The following IL6ST variants were observed in gnomAD, a reference collection of about 807,000 sequenced individuals.
The protein encoded by IL6ST is interleukin 6 cytokine family signal transducer.
In IL6ST, 24 loss-of-function variants were observed where a neutral mutation model predicts 91.3. The observed-to-expected ratio is 0.26, with a 90% CI of 0.19 to 0.37. The LOEUF (loss-of-function observed/expected upper bound fraction) is 0.37, where lower values mean the gene tolerates loss of function less well. Ranked by LOEUF, IL6ST falls within the 10% of genes least tolerant of loss-of-function variation. The probability of loss-of-function intolerance (pLI) is 1.00; values close to 1 mark genes in which losing one functional copy is unlikely to be tolerated. For synonymous variants in IL6ST, 351 were observed against 373.6 expected, an observed-to-expected ratio of 0.94 and a Z score of 0.70; for missense variants, 914 against 1,078.5, an observed-to-expected ratio of 0.85 and a Z score of 2.14.
Position 55,952,040 on chromosome 5 carries a change from CT to C in IL6ST, c.1587del (p.Val530Ter), listed in dbSNP as rs776023104. On this transcript the variant is annotated frameshift_variant, in exon 13 of 17. Coordinates refer to ENST00000381298, the MANE Select transcript of IL6ST (RefSeq NM_002184.4). LOFTEE classifies it high-confidence loss of function. ...TCTAAGACAGCTTCGTTTTTCCCTA[CT>C]TTTTTTGTCCGAACAGTAGGTCCTT... ...PSKGPTVRTK[K>X]VGKNEAVLEW... 6.2e-7 allele frequency: 1 copy of C among 1,613,496 alleles called. No homozygotes were observed. The highest frequency in any genetic ancestry group is 2.2e-5 in the East Asian group (1 of 44,838).
rs1750663661 is a variant in IL6ST, at chr5:55,938,315, TC to T, written c.*2766del. On this transcript the variant is annotated 3_prime_UTR_variant, in exon 17 of 17. Transcript: ENST00000381298. ...GCTGCTGTTCCCGAGTGCCGACTGA[TC>T]CATAGTAAAAAAGGACAAGATTAAA... The T allele has an allele frequency of 5.2e-6, 1 of 191,470 alleles. No individual in the cohort carries two copies. Among genetic ancestry groups the T allele is most frequent in the African/African-American group, 2.3e-5 (1 of 42,980 alleles). 11.9% of individuals were successfully genotyped at this position (191,470 alleles called of 1,614,324 possible).
rs57236815 is a variant in IL6ST at position 55,976,298 on chromosome 5, AAC to A, written c.-15-7_-15-6del. 3 of 1,545,656 alleles carry A rather than the reference AAC, an allele frequency of 1.9e-6. No individual in the cohort carries two copies. The African/African-American group carries it at 4.1e-5, about 21-fold the overall frequency. ...CAACATCTTGCGCGGATATTTCTGC[AAC>A]AGACACATGTAATATTACTTTTAAT... On this transcript the variant is annotated splice_polypyrimidine_tract_variant and splice_region_variant and intron_variant, in intron 2 of 16. Coordinates refer to ENST00000381298, the MANE Select transcript of IL6ST (RefSeq NM_002184.4).
chr5:55,978,170 A>G (rs1172068320), intron 2 of IL6ST: 2 of 152,214 alleles, frequency 1.3e-5, no homozygotes, highest in African/African-American at 4.8e-5. Context: ...TGTATTACTC[A>G]TAACAGTAGT....
At position 55,974,936 on chromosome 5, in the gene IL6ST, TACACACACACACACACACATACAC is replaced by T. The variant is rs1212770985; in HGVS notation, c.64+1255_64+1278del. ...GGGACAGCTGGGATAGTATTATTCATACACACACACACACACACATACACACACACACACACACACACACACGTA... is the reference window on the plus strand; with the variant it reads ...GGGACAGCTGGGATAGTATTATTCATACACACACACACACACACACACGTA... On this transcript the variant is annotated intron_variant, in intron 3 of 16. Coordinates refer to ENST00000381298, the MANE Select transcript of IL6ST (RefSeq NM_002184.4). Among the ~76,000 whole-genome samples the T allele has an allele frequency of 8.8e-5, 13 of 147,248 alleles. No individual in the cohort carries two copies. In the East Asian group the frequency reaches 1.2e-3, roughly 13 times the overall value.
At chr5:55,982,430 C>T (rs1753723510) in intron 2 of IL6ST, among the ~76,000 whole-genome samples, 1 of 152,094 alleles carries the variant, frequency 6.6e-6, no homozygotes, top group Admixed American at 6.5e-5. Flanking sequence ...ATATCTTTCA[C>T]AGTACAGTGT....
intron 4 of IL6ST, 125 bp from the exon 5 acceptor site, chr5:55,968,521 T>C: frequency 1.3e-6 from 1 of 793,448 alleles, no homozygotes; most frequent in Admixed American, 2.8e-5. Context: ...GCAAAAAGTA[T>C]GGACACAATG....
chr5:55,970,463 G>T (rs531211591), intron 3 of IL6ST, among the ~76,000 whole-genome samples: 1 of 152,126 alleles, frequency 6.6e-6, no homozygotes, highest in African/African-American at 2.4e-5. Context: ...GAGGCAAGAG[G>T]ATCGCTCGAG....
At position 55,939,629 on chromosome 5, in the gene IL6ST, A is replaced by G. The variant is rs1231930111; in HGVS notation, c.*1453T>C. 3.4e-5 allele frequency: 7 copies of G among 204,178 alleles called. No homozygotes were observed. In the Admixed American group the frequency reaches 3.6e-4, roughly 10 times the overall value. 12.6% of individuals were successfully genotyped at this position (204,178 alleles called of 1,614,324 possible). On this transcript the variant is annotated 3_prime_UTR_variant, in exon 17 of 17. Transcript: ENST00000381298. ...TGAATTCACTTGATAGCAGTAGTCA[A>G]TCACTAATAACGCTTGCTAATTTCC...
chr5:55,987,320 C>G (rs1166624331), intron 1 of IL6ST, among the ~76,000 whole-genome samples: 1 of 152,032 alleles, frequency 6.6e-6, no homozygotes, highest in East Asian at 1.9e-4. Context: ...AAAACAAAAC[C>G]AAAGTGTGAA....
chr5:55,970,407 T>A (rs1752893972), intron 3 of IL6ST, among the ~76,000 whole-genome samples: 1 of 152,114 alleles, frequency 6.6e-6, no homozygotes, highest in African/African-American at 2.4e-5. Context: ...TGCATGGCCC[T>A]GGGTATGATG....
At position 55,936,029 on chromosome 5, in the gene IL6ST, T is replaced by A; in HGVS notation, c.*5053A>T. On this transcript the variant is annotated 3_prime_UTR_variant, in exon 17 of 17. Coordinates refer to ENST00000381298, the MANE Select transcript of IL6ST (RefSeq NM_002184.4). ...GACATGTTATTTCTATAAACTCTGG[T>A]ATATATGTGAAGGAGTTACTGTTGG... The A allele has an allele frequency of 4.4e-6, 1 of 226,758 alleles. No homozygotes were observed. 14.0% of individuals were successfully genotyped at this position (226,758 alleles called of 1,614,324 possible).
At chr5:55,981,565 C>A (rs760202251) in intron 2 of IL6ST, among the ~76,000 whole-genome samples, 3 of 152,076 alleles carry the variant, frequency 2.0e-5, no homozygotes, top group Non-Finnish European at 4.4e-5. Context: ...ATCACTTGAA[C>A]CTGGGAGGCG....
chr5:55,952,276 G>C lies in IL6ST; in HGVS notation c.1526C>G (p.Ser509Cys). The C allele has an allele frequency of 6.2e-7, 1 of 1,610,258 alleles. No individual in the cohort carries two copies. Among genetic ancestry groups the C allele is most frequent in the South Asian group, 1.1e-5 (1 of 90,590 alleles). ...VYADGPGSPE[S>C]IKAYLKQAPP... ...AGCTTGTTTAAGGTATGCCTTTATGGATTCAGGGCTTCCTGGTCCATCAGC... is the reference window on the plus strand; with the variant it reads ...AGCTTGTTTAAGGTATGCCTTTATGCATTCAGGGCTTCCTGGTCCATCAGC... Residue 509 changes from serine (S) to cysteine (C), a missense_variant, in exon 12 of 17, where the codon TCC becomes TGC. Transcript: ENST00000381298.
At position 55,940,991 on chromosome 5, in the gene IL6ST, G is replaced by A. The variant is rs1750867875; in HGVS notation, c.*91C>T. The A allele has an allele frequency of 3.1e-6, 4 of 1,300,270 alleles. No individual in the cohort carries two copies. Among genetic ancestry groups the A allele is most frequent in the African/African-American group, 1.5e-5 (1 of 67,570 alleles). 80.5% of individuals were successfully genotyped at this position (1,300,270 alleles called of 1,614,324 possible). A position where few individuals can be genotyped will look rare whatever the true frequency, so the allele number is the denominator to read the frequency against. On this transcript the variant is annotated 3_prime_UTR_variant, in exon 17 of 17. Coordinates refer to ENST00000381298, the MANE Select transcript of IL6ST (RefSeq NM_002184.4). ...GGGCAAATGATCATCTTCAGAGAGT[G>A]AAGACTTTTTAAAATCTGAATTCAC...
intron 15 of IL6ST, among the ~76,000 whole-genome samples, chr5:55,944,477 A>G (rs113709469): frequency 1.6e-4 from 25 of 152,356 alleles, no homozygotes; most frequent in African/African-American, 4.6e-4. Context: ...TTTGTCATGA[A>G]TTCAAAAAAA....
rs757719360 is a variant in IL6ST, at chr5:55,952,066, T to A, written c.1562A>T (p.Lys521Ile). The A allele has an allele frequency of 5.6e-6, 9 of 1,612,784 alleles. No homozygotes were observed. The highest frequency in any genetic ancestry group is 6.8e-6 in the Non-Finnish European group (8 of 1,179,672). ...KAYLKQAPPS[K>I]GPTVRTKKVG... Reference sequence around the variant, plus strand: ...TTTTTTTGTCCGAACAGTAGGTCCTTTGGAAGGTGCTGTAACAGAGTGAAC... The same window carrying A: ...TTTTTTTGTCCGAACAGTAGGTCCTATGGAAGGTGCTGTAACAGAGTGAAC... Residue 521 changes from lysine (K) to isoleucine (I), a missense_variant, in exon 13 of 17, where the codon AAA becomes ATA. Lys to Ile is a moderately radical substitution (Grantham distance 102, BLOSUM62 -3). Coordinates refer to ENST00000381298, the MANE Select transcript of IL6ST (RefSeq NM_002184.4).
chr5:55,992,382 GCTGT>G (rs965919891), intron 1 of IL6ST, among the ~76,000 whole-genome samples: 1 of 152,136 alleles, frequency 6.6e-6, no homozygotes, highest in African/African-American at 2.4e-5. Flanking sequence ...CTGAAGCCAG[GCTGT>G]CTATGTATGA....
At chr5:55,942,340 G>A (rs999972674) in intron 16 of IL6ST, among the ~76,000 whole-genome samples, 1 of 152,074 alleles carries the variant, frequency 6.6e-6, no homozygotes, top group Non-Finnish European at 1.5e-5. Context: ...AAATGCTTGA[G>A]GTAGTTACCA....
intron 7 of IL6ST, among the ~76,000 whole-genome samples, chr5:55,962,977 C>T (rs116782348): frequency 0.025 from 3,764 of 151,892 alleles, 177 homozygotes; most frequent in African/African-American, 0.086. Flanking sequence ...TTTTAAAAAG[C>T]CAGGTGTGGT....
Sources: gnomAD v4.1 joint callset for allele counts (sites outside exome capture counted in the v4.1 genomes callset) on GRCh38, gnomAD v4.1.1 for gene constraint, MANE v1.5 for transcripts, NCBI Gene and HGNC (gene_info 2026-07-23, HGNC 2026-07-21) for gene names.